Variants in COG5 observed in about 807,000 individuals in gnomAD.
COG5 encodes component of oligomeric golgi complex 5.
COG5 carries 86 observed loss-of-function variants against 110.4 expected under a neutral mutation model. That is an observed-to-expected ratio of 0.78 (90% CI 0.65 to 0.93). The LOEUF (loss-of-function observed/expected upper bound fraction) is 0.93, where lower values mean the gene tolerates loss of function less well. Among genes scored for constraint, COG5 ranks in the 40% least tolerant of loss-of-function variants. The pLI is 0.00. For missense variants in COG5, 1,077 were observed against 987.0 expected (o/e 1.09, Z -1.22); for synonymous variants, 360 against 334.6 (o/e 1.08, Z -0.83).
At chr7:107,324,394 A>C (rs1189924391) in intron 11 of COG5, 46 bp downstream of exon 11, 2 of 1,217,740 alleles carry the variant, frequency 1.6e-6, no homozygotes, top group Non-Finnish European at 2.4e-6. Context: ...ATGATAAAAT[A>C]ACTTAAAACT....
At chr7:107,476,089 G>A (rs1227208130) in intron 6 of COG5, among the ~76,000 whole-genome samples, 5 of 145,392 alleles carry the variant, frequency 3.4e-5, no homozygotes, top group African/African-American at 1.0e-4. Context: ...GAAACTAAAG[G>A]GAAGGAAGAA....
Position 107,362,050 on chromosome 7 carries a change from T to C in COG5, c.1009A>G (p.Ile337Val), listed in dbSNP as rs773107742. The C allele has an allele frequency of 1.9e-6, 3 of 1,605,194 alleles. No homozygotes were observed. Among genetic ancestry groups the C allele is most frequent in the Middle Eastern group, 1.7e-4 (1 of 6,060 alleles). The change falls in exon 10 of 22, where the codon ATT becomes GTT. Residue 337 changes from isoleucine to valine, a missense_variant. Physicochemically the swap from Ile to Val is conservative, Grantham distance 29. Coordinates refer to ENST00000297135, the MANE Select transcript of COG5 (RefSeq NM_006348.5). ...AAACATACCTTAACTATTTCTTCAATGAAACAAATGTGAGAAACAGGATCT... is the reference window on the plus strand; with the variant it reads ...AAACATACCTTAACTATTTCTTCAACGAAACAAATGTGAGAAACAGGATCT... ...KRDPVSHICFIEEIVKDGQPE... is the reference protein window; with the variant it reads ...KRDPVSHICFVEEIVKDGQPE...
intron 7 of COG5, among the ~76,000 whole-genome samples, chr7:107,374,256 CT>C (rs1033564807): frequency 6.6e-6 from 1 of 152,040 alleles, no homozygotes; most frequent in Non-Finnish European, 1.5e-5. Flanking sequence ...TATCTTTAAA[CT>C]TTTTAGTAGA....
At chr7:107,241,428 C>CTATA (rs34699008) in intron 17 of COG5, among the ~76,000 whole-genome samples, 22,857 of 144,594 alleles carry the variant, frequency 0.16, 1,894 homozygotes, top group African/African-American at 0.2. Context: ...ATCTATCTAT[C>CTATA]TATATATATA....
intron 14 of COG5, among the ~76,000 whole-genome samples, chr7:107,279,667 C>T (rs1805009111): frequency 1.3e-5 from 2 of 152,000 alleles, no homozygotes; most frequent in South Asian, 4.1e-4. Context: ...AAAAATAAGG[C>T]ATATGATGTT....
At chr7:107,211,481 C>T (rs943094757) in intron 19 of COG5, among the ~76,000 whole-genome samples, 13 of 152,156 alleles carry the variant, frequency 8.5e-5, no homozygotes, top group African/African-American at 2.9e-4. Context: ...TGACATCCAC[C>T]GGACTCAGCA....
chr7:107,380,966 C>T (rs1815070074), intron 7 of COG5, among the ~76,000 whole-genome samples: 1 of 152,182 alleles, frequency 6.6e-6, no homozygotes, highest in African/African-American at 2.4e-5. Context: ...CCACCCTGAT[C>T]AAGTTGGCTT....
At chr7:107,216,730 C>T (rs905054615) in intron 19 of COG5, among the ~76,000 whole-genome samples, 9 of 152,014 alleles carry the variant, frequency 5.9e-5, no homozygotes, top group African/African-American at 1.9e-4. Flanking sequence ...TATACCAAAA[C>T]GTATGGGATA....
At position 107,407,724 on chromosome 7, in the gene COG5, T is replaced by C. The variant is rs1034378045; in HGVS notation, c.669+4778A>G. ...TTGGGGAAGTTAAGGAGGACAAAGT[T>C]GGGTAAAGAATGAATACAAAACAAA... On this transcript the variant is annotated intron_variant, in intron 7 of 21. Transcript: ENST00000297135. Among the ~76,000 whole-genome samples, 11 of 151,554 alleles carry C rather than the reference T, an allele frequency of 7.3e-5. No homozygotes were observed. The South Asian group carries it at 2.3e-3, about 32-fold the overall frequency.
At chr7:107,366,489 G>A (rs1485112858) in intron 8 of COG5, among the ~76,000 whole-genome samples, 1 of 152,012 alleles carries the variant, frequency 6.6e-6, no homozygotes. Flanking sequence ...TTCTATAAAA[G>A]GGAACATACT....
chr7:107,336,651 ATG>A (rs1439700078), intron 10 of COG5, among the ~76,000 whole-genome samples: 1 of 152,220 alleles, frequency 6.6e-6, no homozygotes, highest in Admixed American at 6.5e-5. Context: ...ACCTGAAAAT[ATG>A]TATATCTATT....
rs369434930 is a variant in COG5, at chr7:107,294,047, G to A, written c.1313+4095C>T. On this transcript the variant is annotated intron_variant, in intron 12 of 21. Transcript: ENST00000297135. ...ATATCACACCACTGCACTCCAGCCT[G>A]GGTGACAGAGCAAAGACTCCATCTA... 2.0e-5 allele frequency among the ~76,000 whole-genome samples: 3 copies of A among 152,042 alleles called. No individual in the cohort carries two copies. The East Asian group carries it at 5.8e-4, about 29-fold the overall frequency.
At chr7:107,555,411 C>T (rs1803233942) in intron 2 of COG5, among the ~76,000 whole-genome samples, 1 of 152,172 alleles carries the variant, frequency 6.6e-6, no homozygotes, top group Non-Finnish European at 1.5e-5. Context: ...CTAAATCCTC[C>T]ACTTTGTCTT....
At chr7:107,395,280 G>C (rs1790902426) in intron 7 of COG5, among the ~76,000 whole-genome samples, 1 of 152,114 alleles carries the variant, frequency 6.6e-6, no homozygotes. Flanking sequence ...GGGAGAAAGA[G>C]AGGGAGAATG....
At chr7:107,319,964 T>C (rs1214296511) in intron 11 of COG5, among the ~76,000 whole-genome samples, 1 of 151,994 alleles carries the variant, frequency 6.6e-6, no homozygotes, top group Non-Finnish European at 1.5e-5. Flanking sequence ...ACAGTGAGAC[T>C]CCATTTCAAA....
intron 6 of COG5, among the ~76,000 whole-genome samples, chr7:107,448,165 A>T (rs999743038): frequency 3.3e-4 from 50 of 152,086 alleles, no homozygotes; most frequent in African/African-American, 1.2e-3. Flanking sequence ...CAAAAATAAT[A>T]ATAATATTCT....
chr7:107,558,925 A>C (rs1380506073), intron 1 of COG5, among the ~76,000 whole-genome samples: 2 of 137,368 alleles, frequency 1.5e-5, no homozygotes, highest in East Asian at 4.3e-4. Context: ...AAAAAAAAAA[A>C]AAAAAAAAAA....
At chr7:107,369,825 C>T (rs1813966850) in intron 8 of COG5, among the ~76,000 whole-genome samples, 1 of 152,020 alleles carries the variant, frequency 6.6e-6, no homozygotes, top group African/African-American at 2.4e-5. Context: ...TTTTATTCTC[C>T]TTGCATAGTT....
intron 6 of COG5, among the ~76,000 whole-genome samples, chr7:107,424,748 T>C (rs1010576628): frequency 6.6e-6 from 1 of 152,132 alleles, no homozygotes; most frequent in Non-Finnish European, 1.5e-5. Flanking sequence ...GAAAACAGAA[T>C]TATAAACCAG....
Sources: gnomAD v4.1 joint callset for allele counts (sites outside exome capture counted in the v4.1 genomes callset) on GRCh38, gnomAD v4.1.1 for gene constraint, MANE v1.5 for transcripts, NCBI Gene and HGNC (gene_info 2026-07-23, HGNC 2026-07-21) for gene names.